WWOX: variants seen among roughly 807,000 people sequenced by gnomAD.
WWOX encodes the protein WW domain-containing oxidoreductase.
In WWOX, 69 loss-of-function variants were observed where a neutral mutation model predicts 46.2. That is an observed-to-expected ratio of 1.49 (90% CI 1.23 to 1.82). The LOEUF (loss-of-function observed/expected upper bound fraction) is 1.82. Ranked by LOEUF, WWOX falls within the 40% of genes most tolerant of loss-of-function variation. WWOX has a pLI of 0.00. For synonymous variants in WWOX, 359 were observed against 202.6 expected (o/e 1.77, Z -6.56); for missense variants, 919 against 542.6 (o/e 1.69, Z -6.89).
Position 78,403,332 on chromosome 16 carries a change from G to A in WWOX, c.605+16384G>A, listed in dbSNP as rs192619993. On this transcript the variant is annotated intron_variant, in intron 6 of 8. Transcript: ENST00000566780. Reference sequence around the variant, plus strand: ...CTCTTTGCATGATGTGAATGAAATCGTCATCTGGTACTTAAAACTATTCTA... The same window carrying A: ...CTCTTTGCATGATGTGAATGAAATCATCATCTGGTACTTAAAACTATTCTA... Among the ~76,000 whole-genome samples the A allele has an allele frequency of 3.0e-3, 464 of 152,248 alleles. 2 individuals carry two copies. Among genetic ancestry groups the A allele is most frequent in the South Asian group, 0.02 (98 of 4,822 alleles).
intron 8 of WWOX, among the ~76,000 whole-genome samples, chr16:78,906,617 A>C (rs1425940242): frequency 3.3e-5 from 5 of 152,188 alleles, no homozygotes; most frequent in African/African-American, 1.2e-4. Context: ...GGAGAGCAAA[A>C]CCATGCCAGT....
At chr16:78,669,049 T>G (rs2047399027) in intron 8 of WWOX, among the ~76,000 whole-genome samples, 1 of 152,142 alleles carries the variant, frequency 6.6e-6, no homozygotes, top group Non-Finnish European at 1.5e-5. Context: ...GAAGTGACCC[T>G]CCAGGAAGGC....
chr16:78,693,724 G>C (rs1457400739), intron 8 of WWOX, among the ~76,000 whole-genome samples: 1 of 152,118 alleles, frequency 6.6e-6, no homozygotes, highest in Non-Finnish European at 1.5e-5. Flanking sequence ...ATTGCACAGG[G>C]TGGCCCTTAC....
chr16:78,723,580 T>TC (rs2048746646), intron 8 of WWOX, among the ~76,000 whole-genome samples: 17 of 30,006 alleles, frequency 5.7e-4, no homozygotes, highest in African/African-American at 3.8e-3. Context: ...TTCTTTTCTT[T>TC]TCTTTTCTTT....
chr16:78,352,113 T>G (rs866131056), intron 5 of WWOX, among the ~76,000 whole-genome samples: 4 of 152,306 alleles, frequency 2.6e-5, no homozygotes, highest in African/African-American at 9.6e-5. Context: ...AAGGAACAGC[T>G]GCACCTCGGC....
chr16:78,377,254 A>T (rs1567535256), intron 5 of WWOX, among the ~76,000 whole-genome samples: 1 of 152,250 alleles, frequency 6.6e-6, no homozygotes, highest in Non-Finnish European at 1.5e-5. Flanking sequence ...CATAAGATAT[A>T]GGGCATGTTT....
chr16:78,464,689 C>T (rs763322814), intron 8 of WWOX, among the ~76,000 whole-genome samples: 1 of 152,150 alleles, frequency 6.6e-6, no homozygotes, highest in African/African-American at 2.4e-5. Flanking sequence ...ACGTTGCCCC[C>T]ACCCGTGCAG....
chr16:79,168,922 G>C (rs996775682), intron 8 of WWOX, among the ~76,000 whole-genome samples: 2 of 152,172 alleles, frequency 1.3e-5, no homozygotes, highest in African/African-American at 4.8e-5. Flanking sequence ...GAAAGTTAAA[G>C]GTTTTCCTTA....
chr16:78,233,781 C>T (rs568749796), intron 5 of WWOX, among the ~76,000 whole-genome samples: 1 of 152,230 alleles, frequency 6.6e-6, no homozygotes, highest in South Asian at 2.1e-4. Flanking sequence ...CCTGTCTTGG[C>T]CTCCCAAAGT....
rs72801928 is a variant in WWOX, at chr16:78,492,724, T to C, written c.1056+59972T>C. Among the ~76,000 whole-genome samples the C allele has an allele frequency of 2.6e-5, 4 of 152,312 alleles. No individual in the cohort carries two copies. In the East Asian group the frequency reaches 5.8e-4, roughly 22 times the overall value. On this transcript the variant is annotated intron_variant, in intron 8 of 8. Coordinates refer to ENST00000566780, the MANE Select transcript of WWOX (RefSeq NM_016373.4). The stretch of plus-strand genomic sequence containing the variant: ...TAATTCTCAATGACTTTCAAAGTTA[T>C]GATTCAGGGAGTAATTGGTTCTGAG...
In WWOX at chr16:78,115,276, A is replaced by C. The variant is rs7203387; in HGVS notation, c.409+122A>C. On this transcript the variant is annotated intron_variant, in intron 4 of 8. Coordinates refer to ENST00000566780, the MANE Select transcript of WWOX (RefSeq NM_016373.4). ...TAAACATGACTTTTATCCTTTTCAGATATCGTTTCATTAACATCACTACCT... is the reference window on the plus strand; with the variant it reads ...TAAACATGACTTTTATCCTTTTCAGCTATCGTTTCATTAACATCACTACCT... 409,594 of 1,165,300 alleles carry C rather than the reference A, an allele frequency of 0.35. 74,883 individuals carry two copies. The highest frequency in any genetic ancestry group is 0.55 in the African/African-American group (35,981 of 65,606). 72.2% of individuals were successfully genotyped at this position (1,165,300 alleles called of 1,614,324 possible).
chr16:79,168,720 TG>T (rs2050642657), intron 8 of WWOX, among the ~76,000 whole-genome samples: 1 of 152,104 alleles, frequency 6.6e-6, no homozygotes, highest in Non-Finnish European at 1.5e-5. Context: ...GGAGGAAAGC[TG>T]GGCAAGGGGG....
chr16:78,389,933 A>G (rs1004604423), intron 6 of WWOX, among the ~76,000 whole-genome samples: 1 of 152,126 alleles, frequency 6.6e-6, no homozygotes, highest in Non-Finnish European at 1.5e-5. Context: ...TATTTTCTGT[A>G]GAGATGAGGT....
At chr16:78,930,097 C>T (rs916079475) in intron 8 of WWOX, among the ~76,000 whole-genome samples, 7 of 152,032 alleles carry the variant, frequency 4.6e-5, no homozygotes, top group Non-Finnish European at 8.8e-5. Context: ...ACTCCTCCTT[C>T]CCTTCCTGCC....
intron 8 of WWOX, among the ~76,000 whole-genome samples, chr16:79,027,990 C>T (rs1325509228): frequency 1.3e-5 from 2 of 151,712 alleles, no homozygotes; most frequent in Admixed American, 1.3e-4. Flanking sequence ...GTCGCTCTGT[C>T]GCCTAGGCTG....
At chr16:78,472,274 G>C (rs1254485642) in intron 8 of WWOX, among the ~76,000 whole-genome samples, 3 of 152,136 alleles carry the variant, frequency 2.0e-5, no homozygotes, top group Non-Finnish European at 4.4e-5. Flanking sequence ...ACGAGGATCA[G>C]AGGGAATGTG....
intron 8 of WWOX, among the ~76,000 whole-genome samples, chr16:78,880,505 G>A (rs1007844005): frequency 1.3e-5 from 2 of 152,160 alleles, no homozygotes; most frequent in African/African-American, 2.4e-5. Context: ...AATTAGTCAA[G>A]CACTATCGGT....
chr16:78,618,799 G>A (rs910948719), intron 8 of WWOX, among the ~76,000 whole-genome samples: 8 of 151,792 alleles, frequency 5.3e-5, no homozygotes, highest in East Asian at 2.0e-4. Flanking sequence ...GCTTGGAGTC[G>A]CTGCCCTGTG....
intron 3 of WWOX, 94 bp downstream of exon 3, chr16:78,109,929 C>A (rs1012855163): frequency 1.5e-6 from 2 of 1,311,916 alleles, no homozygotes; most frequent in African/African-American, 1.5e-5. Context: ...TAGAAAAATA[C>A]AAAGTATAAC....
Sources: allele counts gnomAD v4.1 joint callset (sites outside exome capture counted in the v4.1 genomes callset), GRCh38; gene constraint gnomAD v4.1.1; transcripts MANE v1.5; gene names NCBI Gene and HGNC (gene_info 2026-07-23, HGNC 2026-07-21).